Variants in COL8A1 observed in about 807,000 individuals in gnomAD.
COL8A1 encodes the protein collagen alpha-1(VIII) chain.
In COL8A1, 21 loss-of-function variants were observed where a neutral mutation model predicts 42.7. The observed-to-expected ratio is 0.49, with a 90% CI of 0.35 to 0.71. The LOEUF (loss-of-function observed/expected upper bound fraction) is 0.71, where lower values mean the gene tolerates loss of function less well. Among genes scored for constraint, COL8A1 ranks in the 30% least tolerant of loss-of-function variants. The probability of loss-of-function intolerance (pLI) is 0.01; values close to 1 mark genes in which losing one functional copy is unlikely to be tolerated. For missense variants in COL8A1, 788 were observed against 962.4 expected, an observed-to-expected ratio of 0.82 and a Z score of 2.40; for synonymous variants, 367 against 369.1, an observed-to-expected ratio of 0.99 and a Z score of 0.06.
chr3:99,639,047 C>A (rs1164659360), intron 1 of COL8A1, among the ~76,000 whole-genome samples: 2 of 152,104 alleles, frequency 1.3e-5, no homozygotes, highest in East Asian at 1.9e-4. Flanking sequence ...TTTAAAAGAA[C>A]ACAGTTAACT....
At chr3:99,743,896 T>C (rs1422512128) in intron 1 of COL8A1, among the ~76,000 whole-genome samples, 1 of 152,122 alleles carries the variant, frequency 6.6e-6, no homozygotes, top group Non-Finnish European at 1.5e-5. Flanking sequence ...TTGTTCCTCT[T>C]AAAATATTTT....
intron 1 of COL8A1, among the ~76,000 whole-genome samples, chr3:99,665,982 C>T (rs551127680): frequency 3.9e-5 from 6 of 152,074 alleles, no homozygotes; most frequent in East Asian, 1.9e-4. Flanking sequence ...TGAGCCACCA[C>T]GCCCAGCCTG....
chr3:99,735,523 C>T (rs1235792134), intron 1 of COL8A1, among the ~76,000 whole-genome samples: 1 of 149,184 alleles, frequency 6.7e-6, no homozygotes, highest in Non-Finnish European at 1.5e-5. Context: ...GGTGGATAAG[C>T]TTTTGGATGT....
At chr3:99,649,721 T>A (rs534244750) in intron 1 of COL8A1, among the ~76,000 whole-genome samples, 3 of 152,150 alleles carry the variant, frequency 2.0e-5, no homozygotes, top group South Asian at 4.1e-4. Flanking sequence ...ACATTCCACA[T>A]CTCCCTTTCC....
intron 2 of COL8A1, among the ~76,000 whole-genome samples, chr3:99,768,428 C>T (rs993717955): frequency 1.3e-5 from 2 of 152,118 alleles, no homozygotes; most frequent in Non-Finnish European, 2.9e-5. Context: ...TCTCATTTAC[C>T]CTTAACAGCA....
At chr3:99,653,221 C>T (rs1937905771) in intron 1 of COL8A1, among the ~76,000 whole-genome samples, 1 of 152,186 alleles carries the variant, frequency 6.6e-6, no homozygotes, top group African/African-American at 2.4e-5. Flanking sequence ...GCAGCAGCTT[C>T]AAGTGTCGCT....
chr3:99,726,037 T>G (rs971282563), intron 1 of COL8A1, among the ~76,000 whole-genome samples: 2 of 152,172 alleles, frequency 1.3e-5, no homozygotes, highest in African/African-American at 4.8e-5. Context: ...ACCAGCAATG[T>G]AAAAGTGTTC....
chr3:99,650,078 T>C (rs1216492106), intron 1 of COL8A1, among the ~76,000 whole-genome samples: 1 of 152,058 alleles, frequency 6.6e-6, no homozygotes, highest in Non-Finnish European at 1.5e-5. Context: ...CATCTTCACC[T>C]CCCTCAAGTC....
chr3:99,714,324 G>A (rs1282650476), intron 1 of COL8A1, among the ~76,000 whole-genome samples: 7 of 152,172 alleles, frequency 4.6e-5, no homozygotes, highest in Admixed American at 2.0e-4. Context: ...CCCCAAGGGT[G>A]CCCTCCACTA....
intron 2 of COL8A1, among the ~76,000 whole-genome samples, chr3:99,776,658 C>T (rs1055672182): frequency 3.9e-5 from 6 of 152,070 alleles, no homozygotes; most frequent in Admixed American, 2.0e-4. Context: ...TGAGGAAAAC[C>T]CATAAAGTGA....
intron 1 of COL8A1, among the ~76,000 whole-genome samples, chr3:99,647,666 C>T (rs1232596151): frequency 6.6e-6 from 1 of 152,194 alleles, no homozygotes; most frequent in Non-Finnish European, 1.5e-5. Context: ...TGAACTAGCT[C>T]ATCAGTCTCT....
chr3:99,643,599 G>A (rs1321991082), intron 1 of COL8A1, among the ~76,000 whole-genome samples: 2 of 152,202 alleles, frequency 1.3e-5, no homozygotes, highest in Non-Finnish European at 2.9e-5. Context: ...CAGACATACA[G>A]TGACTCAGGT....
At chr3:99,770,153 C>T (rs914271014) in intron 2 of COL8A1, among the ~76,000 whole-genome samples, 1 of 152,116 alleles carries the variant, frequency 6.6e-6, no homozygotes, top group African/African-American at 2.4e-5. Flanking sequence ...GGGAACTTAG[C>T]AAGGCCTGTT....
At chr3:99,679,517 T>G (rs780253492) in intron 1 of COL8A1, 1 of 152,212 alleles carries the variant, frequency 6.6e-6, no homozygotes, top group African/African-American at 2.4e-5. Flanking sequence ...CATTCACCAA[T>G]AGTGGCCTAT....
intron 1 of COL8A1, among the ~76,000 whole-genome samples, chr3:99,732,741 C>A (rs1940555548): frequency 6.6e-6 from 1 of 152,100 alleles, no homozygotes; most frequent in Non-Finnish European, 1.5e-5. Context: ...TCCCAACAGT[C>A]TCCCAAAGTC....
intron 1 of COL8A1, among the ~76,000 whole-genome samples, chr3:99,694,424 C>G (rs551346658): frequency 6.6e-6 from 1 of 151,486 alleles, no homozygotes; most frequent in South Asian, 2.1e-4. Context: ...TGCAGAGAGC[C>G]GAGATCGCAC....
intron 2 of COL8A1, among the ~76,000 whole-genome samples, chr3:99,787,759 C>A (rs529676017): frequency 6.6e-6 from 1 of 152,178 alleles, no homozygotes; most frequent in African/African-American, 2.4e-5. Flanking sequence ...TTTGACAGTG[C>A]TTTTGTCATA....
chr3:99,725,764 A>G (rs1387578777), intron 1 of COL8A1, among the ~76,000 whole-genome samples: 1 of 151,898 alleles, frequency 6.6e-6, no homozygotes, highest in African/African-American at 2.4e-5. Flanking sequence ...TTATGGCTGC[A>G]TACTATTCCA....
intron 1 of COL8A1, among the ~76,000 whole-genome samples, chr3:99,657,857 C>G (rs183284674): frequency 1.3e-5 from 2 of 152,118 alleles, no homozygotes; most frequent in Non-Finnish European, 2.9e-5. Context: ...GGACCGGGCA[C>G]GGTGGCTCAC....
Sources: allele counts gnomAD v4.1 joint callset (sites outside exome capture counted in the v4.1 genomes callset), GRCh38; gene constraint gnomAD v4.1.1; transcripts MANE v1.5; gene names NCBI Gene and HGNC (gene_info 2026-07-23, HGNC 2026-07-21).